The following YPEL5 variants were observed in gnomAD, a reference collection of about 807,000 sequenced individuals.
YPEL5 encodes yippee like 5.
YPEL5 carries 1 observed loss-of-function variant against 10.5 expected under a neutral mutation model. The ratio of observed to expected loss-of-function variants is 0.10; its 90% CI spans 0.03 to 0.45. YPEL5 has a LOEUF of 0.45. YPEL5 is among the 20% of genes least tolerant of loss of function. The pLI, the probability that YPEL5 is intolerant of heterozygous loss-of-function variation, is 0.97. For synonymous variants in YPEL5, 61 were observed against 56.6 expected (o/e 1.08, Z -0.35); for missense variants, 68 against 159.3 (o/e 0.43, Z 3.09).
chr2:30,154,411 G>A (rs1303056689), intron 1 of YPEL5, among the ~76,000 whole-genome samples: 1 of 152,204 alleles, frequency 6.6e-6, no homozygotes, highest in East Asian at 1.9e-4. Flanking sequence ...AGTGGAGACT[G>A]AGCAAATAAA....
rs1433736919 is a variant in YPEL5 at position 30,158,874 on chromosome 2, G to A, written c.*31G>A. ...CAGAGAGAAATCCATCTTTTCCCAG[G>A]TCTCCTTCACTGAAAACAAAAATCT... On this transcript the variant is annotated 3_prime_UTR_variant, in exon 3 of 3. Coordinates refer to ENST00000261353, the MANE Select transcript of YPEL5 (RefSeq NM_016061.3). 2 of 1,608,082 alleles carry A rather than the reference G, an allele frequency of 1.2e-6. No individual in the cohort carries two copies. Among genetic ancestry groups the A allele is most frequent in the Admixed American group, 1.7e-5 (1 of 59,780 alleles).
intron 1 of YPEL5, among the ~76,000 whole-genome samples, chr2:30,153,453 C>T (rs898324984): frequency 1.3e-5 from 2 of 152,176 alleles, no homozygotes; most frequent in African/African-American, 4.8e-5. Flanking sequence ...TGCTTGTGAC[C>T]TAATCACCTG....
chr2:30,158,585 C>T lies in YPEL5; in HGVS notation c.142-34C>T, dbSNP rs752278982. On this transcript the variant is annotated intron_variant, in intron 2 of 2. Coordinates refer to ENST00000261353, the MANE Select transcript of YPEL5 (RefSeq NM_016061.3). ...ACATACTTGGCAAATAACTAACATG[C>T]CTTGCAATTTTGATTTTCCTTGTCC... 2.5e-6 allele frequency: 4 copies of T among 1,597,098 alleles called. No homozygotes were observed. The African/African-American group carries it at 5.4e-5, about 21-fold the overall frequency.
At chr2:30,153,275 T>A (rs1444468154) in intron 1 of YPEL5, among the ~76,000 whole-genome samples, 2 of 152,190 alleles carry the variant, frequency 1.3e-5, no homozygotes, top group Admixed American at 6.5e-5. Context: ...ACTGTATGGC[T>A]TATAAACAAC....
In YPEL5 at chr2:30,158,837, C is replaced by T. The variant is rs755116618; in HGVS notation, c.360C>T (p.Asn120=). The change falls in exon 3 of 3, where the codon AAC becomes AAT. Residue 120 remains asparagine, a synonymous_variant. Transcript: ENST00000261353. ...TTGAGGAGCATGTACCATCTGATAA[C>T]TCTTGAAGATACAGAGAGAAATCCA... is the stretch of plus-strand genomic sequence containing the variant. The part of the protein sequence containing the change: ...EGFEEHVPSD[N]S The T allele has an allele frequency of 1.9e-6, 3 of 1,613,914 alleles. No individual in the cohort carries two copies. Among genetic ancestry groups the T allele is most frequent in the Non-Finnish European group, 2.5e-6 (3 of 1,179,924 alleles).
chr2:30,152,486 A>G (rs565558075), intron 1 of YPEL5, among the ~76,000 whole-genome samples: 1 of 152,320 alleles, frequency 6.6e-6, no homozygotes, highest in African/African-American at 2.4e-5. Context: ...ATGACTTACT[A>G]GGGTTTCTAG....
chr2:30,152,580 G>T (rs757689258), intron 1 of YPEL5, among the ~76,000 whole-genome samples: 7 of 152,208 alleles, frequency 4.6e-5, no homozygotes, highest in Non-Finnish European at 1.0e-4. Flanking sequence ...AGGGCTGATG[G>T]TAAACCCTGA....
At position 30,149,220 on chromosome 2, in the gene YPEL5, A is replaced by G. The variant is rs137938055; in HGVS notation, c.-25+2158A>G. ...TAATATTTAAATATAAGTGTTATTGAAATATAGTGAACTTGAAAGTCATCT... is the reference window on the plus strand; with the variant it reads ...TAATATTTAAATATAAGTGTTATTGGAATATAGTGAACTTGAAAGTCATCT... On this transcript the variant is annotated intron_variant, in intron 1 of 2. Coordinates refer to ENST00000261353, the MANE Select transcript of YPEL5 (RefSeq NM_016061.3). 3.1e-3 allele frequency among the ~76,000 whole-genome samples: 476 copies of G among 152,350 alleles called. 1 individual carries two copies. Among genetic ancestry groups the G allele is most frequent in the African/African-American group, 0.011 (459 of 41,572 alleles).
At chr2:30,151,878 T>A (rs1487188047) in intron 1 of YPEL5, among the ~76,000 whole-genome samples, 3 of 152,144 alleles carry the variant, frequency 2.0e-5, no homozygotes, top group African/African-American at 4.8e-5. Context: ...GCTGAAGAGA[T>A]CTGGGATTAC....
At chr2:30,152,207 C>T (rs1353900231) in intron 1 of YPEL5, among the ~76,000 whole-genome samples, 1 of 151,600 alleles carries the variant, frequency 6.6e-6, no homozygotes. Context: ...TCTATTCTGT[C>T]AGAAAAAAGT....
chr2:30,159,837 G>C lies in YPEL5; in HGVS notation c.*994G>C, dbSNP rs1676206883. The C allele has an allele frequency of 6.6e-6, 1 of 152,324 alleles. No homozygotes were observed. The highest frequency in any genetic ancestry group is 2.4e-5 in the African/African-American group (1 of 41,428). 9.4% of individuals were successfully genotyped at this position (152,324 alleles called of 1,614,324 possible). ...TTGTCTAAAAATACTGCTTTACAAA[G>C]CATTTCAGCCTTTCCCCCTCAGTTT... On this transcript the variant is annotated 3_prime_UTR_variant, in exon 3 of 3. Coordinates refer to ENST00000261353, the MANE Select transcript of YPEL5 (RefSeq NM_016061.3).
At chr2:30,149,368 G>C (rs1344748756) in intron 1 of YPEL5, among the ~76,000 whole-genome samples, 3 of 152,182 alleles carry the variant, frequency 2.0e-5, no homozygotes, top group Non-Finnish European at 4.4e-5. Context: ...AAGTAAACTG[G>C]TCACGTACTG....
intron 2 of YPEL5, 69 bp downstream of exon 2, chr2:30,156,861 C>G (rs894135598): frequency 3.2e-6 from 5 of 1,556,056 alleles, no homozygotes; most frequent in Middle Eastern, 3.4e-4. Flanking sequence ...CCAGAATACC[C>G]CCTCAGAGCT....
chr2:30,149,881 T>C (rs905513566), intron 1 of YPEL5, among the ~76,000 whole-genome samples: 2 of 152,244 alleles, frequency 1.3e-5, no homozygotes, highest in African/African-American at 4.8e-5. Flanking sequence ...CCTGAGGCGA[T>C]GGTTTCATTT....
intron 1 of YPEL5, among the ~76,000 whole-genome samples, chr2:30,154,734 A>T (rs970999610): frequency 1.3e-5 from 2 of 152,092 alleles, no homozygotes; most frequent in Non-Finnish European, 2.9e-5. Flanking sequence ...GTAAATAAAT[A>T]ATAAATGTAT....
rs780309618 is a variant in YPEL5, at chr2:30,158,630, G to C, written c.153G>C (p.Leu51=). ...TTGTCCCTTGTTAGGTAGTTAACCT[G>C]CAGTACAGTGAAGTTCAAGATCGGG... ...RAFLFNKVVN[L]QYSEVQDRVM... The change falls in exon 3 of 3, where the codon CTG becomes CTC. Residue 51 remains leucine (L), a synonymous_variant. Coordinates refer to ENST00000261353, the MANE Select transcript of YPEL5 (RefSeq NM_016061.3). The C allele has an allele frequency of 6.2e-7, 1 of 1,613,494 alleles. No homozygotes were observed. The highest frequency in any genetic ancestry group is 1.7e-5 in the Admixed American group (1 of 60,028).
chr2:30,154,456 TGTA>T (rs1558357559), intron 1 of YPEL5, among the ~76,000 whole-genome samples: 1 of 152,232 alleles, frequency 6.6e-6, no homozygotes, highest in Non-Finnish European at 1.5e-5. Context: ...GCAGGTCACT[TGTA>T]GTCAGTTGTT....
intron 1 of YPEL5, chr2:30,148,394 A>G (rs1013485327): frequency 6.6e-6 from 1 of 152,196 alleles, no homozygotes; most frequent in Non-Finnish European, 1.5e-5. Context: ...CTAACTTTGC[A>G]TAGCCACATA....
In YPEL5 at chr2:30,160,054, A is replaced by G. The variant is rs1676215218; in HGVS notation, c.*1211A>G. On this transcript the variant is annotated 3_prime_UTR_variant, in exon 3 of 3. Transcript: ENST00000261353. ...TTTAGCCCCAAATTTATGACATTAC[A>G]CAATATTAAAATGTAAATGTTTCTT... The G allele has an allele frequency of 6.5e-6, 1 of 152,676 alleles. No homozygotes were observed. Among genetic ancestry groups the G allele is most frequent in the Admixed American group, 6.5e-5 (1 of 15,282 alleles). 9.5% of individuals were successfully genotyped at this position (152,676 alleles called of 1,614,324 possible).
Sources: allele counts gnomAD v4.1 joint callset (sites outside exome capture counted in the v4.1 genomes callset), GRCh38; gene constraint gnomAD v4.1.1; transcripts MANE v1.5; gene names NCBI Gene and HGNC (gene_info 2026-07-23, HGNC 2026-07-21).